The following C8orf34 variants were observed in gnomAD, a reference collection of about 807,000 sequenced individuals.
C8orf34 encodes uncharacterized protein C8orf34.
Under a neutral mutation model 68.3 loss-of-function variants are expected in C8orf34, and 65 were observed. That is an observed-to-expected ratio of 0.95 (90% CI 0.78 to 1.17). The LOEUF is 1.17. Ranked by LOEUF, C8orf34 falls within the 50% of genes most tolerant of loss-of-function variation. The pLI is 0.00. For missense variants in C8orf34, 664 were observed against 655.4 expected (o/e 1.01, Z -0.14); for synonymous variants, 244 against 241.2 (o/e 1.01, Z -0.11).
intron 1 of C8orf34, among the ~76,000 whole-genome samples, chr8:68,420,085 A>T (rs1446952823): frequency 2.0e-5 from 3 of 151,462 alleles, no homozygotes; most frequent in South Asian, 4.2e-4. Context: ...GATCCAGGAG[A>T]AGATAGAAAT....
At chr8:68,745,878 A>C (rs2129527420) in intron 10 of C8orf34, among the ~76,000 whole-genome samples, 1 of 152,320 alleles carries the variant, frequency 6.6e-6, no homozygotes, top group African/African-American at 2.4e-5. Flanking sequence ...GTCTGCACCA[A>C]GTGGACCTAA....
intron 10 of C8orf34, among the ~76,000 whole-genome samples, chr8:68,737,660 T>TA (rs919509289): frequency 1.8e-4 from 27 of 150,246 alleles, no homozygotes; most frequent in Middle Eastern, 6.9e-3. Context: ...CAACAAAGAT[T>TA]AAAAAAAAAG....
chr8:68,673,353 C>T (rs768516206), intron 8 of C8orf34, among the ~76,000 whole-genome samples: 1 of 152,000 alleles, frequency 6.6e-6, no homozygotes, highest in Non-Finnish European at 1.5e-5. Flanking sequence ...CAATTCCAGG[C>T]GTGTGCTCTT....
intron 3 of C8orf34, among the ~76,000 whole-genome samples, chr8:68,466,147 C>G (rs1812123637): frequency 6.6e-6 from 1 of 151,700 alleles, no homozygotes; most frequent in Non-Finnish European, 1.5e-5. Context: ...ATTGCATGCC[C>G]TCAGTTATAT....
At chr8:68,427,418 A>G (rs150656406) in intron 1 of C8orf34, among the ~76,000 whole-genome samples, 167 of 152,334 alleles carry the variant, frequency 1.1e-3, no homozygotes, top group African/African-American at 3.8e-3. Context: ...CAAGGAAATT[A>G]TTCTTAATAT....
At chr8:68,342,561 A>G (rs1368148881) in intron 1 of C8orf34, among the ~76,000 whole-genome samples, 1 of 152,210 alleles carries the variant, frequency 6.6e-6, no homozygotes, top group Admixed American at 6.5e-5. Context: ...TACAAAACAG[A>G]AAATTCCAGA....
intron 10 of C8orf34, among the ~76,000 whole-genome samples, chr8:68,769,570 G>C (rs376564356): frequency 2.6e-5 from 4 of 152,182 alleles, no homozygotes; most frequent in South Asian, 2.1e-4. Context: ...CAAACTCGAA[G>C]TAATCAGCAG....
rs552115618 is a variant in C8orf34 at position 68,617,360 on chromosome 8, A to T, written c.1106-23016A>T. ...TAGCTGTTATTTTGCTCGTTAGTTG[A>T]TGCAGTTTCTTCCTAGCCTCGATGG... is the stretch of plus-strand genomic sequence containing the variant. On this transcript the variant is annotated intron_variant, in intron 7 of 13. Transcript: ENST00000518698. Among the ~76,000 whole-genome samples the T allele has an allele frequency of 6.6e-4, 101 of 152,246 alleles. 1 individual carries two copies. Among genetic ancestry groups the T allele is most frequent in the Non-Finnish European group, 1.2e-3 (84 of 68,020 alleles).
chr8:68,331,916 G>C (rs1805627332), intron 1 of C8orf34, among the ~76,000 whole-genome samples: 1 of 148,048 alleles, frequency 6.8e-6, no homozygotes, highest in Non-Finnish European at 1.5e-5. Context: ...TTCAGTCGGT[G>C]CGGGCGTGAT....
intron 10 of C8orf34, among the ~76,000 whole-genome samples, chr8:68,772,037 G>A (rs77672024): frequency 0.11 from 17,311 of 152,146 alleles, 1,058 homozygotes; most frequent in Middle Eastern, 0.15. Context: ...CCTTGGGTTA[G>A]AAATGCCCTG....
chr8:68,407,059 A>G (rs538252605), intron 1 of C8orf34, among the ~76,000 whole-genome samples: 17 of 152,314 alleles, frequency 1.1e-4, no homozygotes, highest in African/African-American at 3.8e-4. Flanking sequence ...ATGGATCTAC[A>G]TAGAGGAATC....
intron 10 of C8orf34, among the ~76,000 whole-genome samples, chr8:68,745,588 GTC>G (rs1308085175): frequency 1.3e-5 from 2 of 152,108 alleles, no homozygotes; most frequent in East Asian, 3.9e-4. Flanking sequence ...TGCAATCCTA[GTC>G]TCTGATAAAA....
chr8:68,389,774 ATTTCT>A (rs1034782537), intron 1 of C8orf34, among the ~76,000 whole-genome samples: 1 of 152,096 alleles, frequency 6.6e-6, no homozygotes, highest in Non-Finnish European at 1.5e-5. Context: ...TGATTTGACG[ATTTCT>A]TTTCTATTTA....
At chr8:68,439,280 T>C (rs971963388) in intron 1 of C8orf34, 5 of 372,102 alleles carry the variant, frequency 1.3e-5, no homozygotes, top group Non-Finnish European at 2.4e-5. Flanking sequence ...TTGCCACATA[T>C]TAGCTGTGTA....
intron 7 of C8orf34, among the ~76,000 whole-genome samples, chr8:68,544,799 G>A (rs530474346): frequency 7.9e-5 from 12 of 151,166 alleles, no homozygotes; most frequent in African/African-American, 1.2e-4. Context: ...CAAATAATTC[G>A]GAAAAAAAAT....
At chr8:68,472,923 G>C (rs1018876714) in intron 4 of C8orf34, among the ~76,000 whole-genome samples, 11 of 152,086 alleles carry the variant, frequency 7.2e-5, no homozygotes, top group Non-Finnish European at 1.6e-4. Flanking sequence ...GTAGCCACAG[G>C]ACAAGTGGCT....
chr8:68,666,320 A>G (rs1819839129), intron 8 of C8orf34, among the ~76,000 whole-genome samples: 1 of 152,168 alleles, frequency 6.6e-6, no homozygotes, highest in Non-Finnish European at 1.5e-5. Context: ...AATTTTCCAT[A>G]AGAAAGTACC....
intron 8 of C8orf34, among the ~76,000 whole-genome samples, chr8:68,652,457 G>A (rs565950486): frequency 6.6e-6 from 1 of 152,264 alleles, no homozygotes; most frequent in South Asian, 2.1e-4. Flanking sequence ...ACTTAGGCAT[G>A]TGGTGTCATA....
chr8:68,615,091 GTC>G (rs1470956330), intron 7 of C8orf34, among the ~76,000 whole-genome samples: 9 of 146,682 alleles, frequency 6.1e-5, no homozygotes, highest in African/African-American at 2.3e-4. Flanking sequence ...CTCTCTGTTT[GTC>G]TGTTATTGGT....
Sources: allele counts gnomAD v4.1 joint callset (sites outside exome capture counted in the v4.1 genomes callset), GRCh38; gene constraint gnomAD v4.1.1; transcripts MANE v1.5; gene names NCBI Gene and HGNC (gene_info 2026-07-23, HGNC 2026-07-21).